Variants in PLEKHA8 observed in about 807,000 individuals in gnomAD.
PLEKHA8 encodes the protein pleckstrin homology domain-containing family A member 8.
A neutral mutation model predicts 68.2 loss-of-function variants in PLEKHA8; 36 were observed. The ratio of observed to expected loss-of-function variants is 0.53; its 90% CI spans 0.40 to 0.70. The LOEUF (loss-of-function observed/expected upper bound fraction) is 0.70. PLEKHA8 is among the 30% of genes least tolerant of loss of function. The pLI is 0.00. For missense variants in PLEKHA8, 505 were observed against 615.4 expected, an observed-to-expected ratio of 0.82 and a Z score of 1.90; for synonymous variants, 211 against 216.1, an observed-to-expected ratio of 0.98 and a Z score of 0.20.
At chr7:30,110,836 A>G (rs1293433277) in intron 13 of PLEKHA8, among the ~76,000 whole-genome samples, 1 of 150,506 alleles carries the variant, frequency 6.6e-6, no homozygotes, top group East Asian at 1.9e-4. Context: ...AGCAATTTGT[A>G]TATCTTCTTT....
downstream of PLEKHA8, among the ~76,000 whole-genome samples, chr7:30,092,338 C>A (rs928840910): frequency 2.6e-5 from 4 of 152,082 alleles, no homozygotes; most frequent in African/African-American, 9.7e-5. Context: ...TAAGCCTTTT[C>A]TTATTTGTTC....
chr7:30,045,701 GAA>G (rs1257258083), intron 2 of PLEKHA8, among the ~76,000 whole-genome samples: 2 of 152,182 alleles, frequency 1.3e-5, no homozygotes, highest in African/African-American at 4.8e-5. Context: ...GGATGTGGGT[GAA>G]AGACTTTGGT....
At chr7:30,029,077 G>A (rs775899553) in intron 1 of PLEKHA8, among the ~76,000 whole-genome samples, 2 of 152,240 alleles carry the variant, frequency 1.3e-5, no homozygotes, top group African/African-American at 4.8e-5. Flanking sequence ...GAAAGGCACG[G>A]TGCTCTTGAT....
intron 12 of PLEKHA8, among the ~76,000 whole-genome samples, chr7:30,065,438 C>T (rs988712493): frequency 2.1e-5 from 3 of 141,040 alleles, no homozygotes; most frequent in Non-Finnish European, 3.1e-5. Context: ...CTCCCACAGA[C>T]ACAGACACAA....
rs193220995 is a variant in PLEKHA8 at position 30,032,019 on chromosome 7, C to T, written c.40+3217C>T. ...ATTTTCGTTTACAGTCTGGTTTCATCCTGCCTTTTGGACATTCCGGGATTT... is the reference window on the plus strand; with the variant it reads ...ATTTTCGTTTACAGTCTGGTTTCATTCTGCCTTTTGGACATTCCGGGATTT... On this transcript the variant is annotated intron_variant, in intron 1 of 13. Coordinates refer to ENST00000449726, the MANE Select transcript of PLEKHA8 (RefSeq NM_001197026.2). 1.8e-4 allele frequency among the ~76,000 whole-genome samples: 27 copies of T among 152,144 alleles called. No individual in the cohort carries two copies. In the East Asian group the frequency reaches 4.4e-3, roughly 25 times the overall value.
chr7:30,033,277 C>T (rs1790800185), intron 1 of PLEKHA8, among the ~76,000 whole-genome samples: 1 of 152,058 alleles, frequency 6.6e-6, no homozygotes, highest in Admixed American at 6.5e-5. Flanking sequence ...AGAAAGAAAC[C>T]CAGTACCCAT....
intron 13 of PLEKHA8, among the ~76,000 whole-genome samples, chr7:30,120,837 A>G (rs1450530971): frequency 6.6e-6 from 1 of 152,250 alleles, no homozygotes; most frequent in Non-Finnish European, 1.5e-5. Flanking sequence ...TTCTCTGAGC[A>G]TTAGTACCAC....
chr7:30,095,630 T>G (rs1795584549), downstream of PLEKHA8, among the ~76,000 whole-genome samples: 1 of 152,168 alleles, frequency 6.6e-6, no homozygotes, highest in Non-Finnish European at 1.5e-5. Context: ...ATTGCCTAGG[T>G]TTTCTTCTAG....
intron 8 of PLEKHA8, 104 bp from the exon 9 acceptor site, chr7:30,055,153 T>A: frequency 9.8e-7 from 1 of 1,015,666 alleles, no homozygotes; most frequent in Non-Finnish European, 1.5e-6. Flanking sequence ...AGTCAAACGA[T>A]TTGCCCTACA....
chr7:30,116,197 C>CACGTATACATGTATACATATGTATAT (rs1796543619), intron 13 of PLEKHA8, among the ~76,000 whole-genome samples: 7 of 150,448 alleles, frequency 4.7e-5, no homozygotes, highest in Non-Finnish European at 8.9e-5. Context: ...CGCATACATA[C>CACGTATACATGTATACATATGTATAT]ACGTATACAT....
chr7:30,125,957 CT>C (rs1167866878), intron 13 of PLEKHA8, among the ~76,000 whole-genome samples: 2 of 152,048 alleles, frequency 1.3e-5, no homozygotes. Context: ...CTTTGGCATG[CT>C]ACAGAAGCAA....
At chr7:30,048,818 A>G (rs920511399) in intron 4 of PLEKHA8, among the ~76,000 whole-genome samples, 9 of 150,418 alleles carry the variant, frequency 6.0e-5, no homozygotes, top group Non-Finnish European at 1.2e-4. Context: ...CAGCTGCCTC[A>G]TATGTGTGAG....
intron 12 of PLEKHA8, among the ~76,000 whole-genome samples, chr7:30,089,950 G>A (rs944145319): frequency 6.6e-6 from 1 of 152,188 alleles, no homozygotes; most frequent in Non-Finnish European, 1.5e-5. Flanking sequence ...TTGAAATGAT[G>A]CAGTGAATGA....
intron 12 of PLEKHA8, among the ~76,000 whole-genome samples, 159 bp from the exon 13 acceptor site, chr7:30,073,912 C>T (rs1462048723): frequency 2.0e-5 from 3 of 151,728 alleles, no homozygotes; most frequent in Non-Finnish European, 4.4e-5. Flanking sequence ...ATCACTTGAG[C>T]GCAGGAGTTC....
chr7:30,073,129 A>G (rs916665242), intron 12 of PLEKHA8, among the ~76,000 whole-genome samples: 4 of 152,184 alleles, frequency 2.6e-5, no homozygotes, highest in African/African-American at 4.8e-5. Flanking sequence ...ATTGGGACAA[A>G]AATTATAGAT....
chr7:30,028,689 C>A lies in PLEKHA8; in HGVS notation c.-74C>A. ...GCAGCGCCAGGCGATGGCCCTGCTG[C>A]TGGTGCTCCTCGCCTCTTGGGGCCT... On this transcript the variant is annotated 5_prime_UTR_variant, in exon 1 of 14. It adds an upstream start codon to the 5' untranslated region. Transcript: ENST00000449726. The A allele has an allele frequency of 8.8e-7, 1 of 1,135,602 alleles. No individual in the cohort carries two copies. The allele number at this position is 1,135,602 out of a possible 1,614,324, so 70.3% of individuals were successfully genotyped here.
At position 30,084,224 on chromosome 7, in the gene PLEKHA8, A is replaced by G. The variant is rs984426307; in HGVS notation, c.*5437A>G. On this transcript the variant is annotated 3_prime_UTR_variant, in exon 14 of 14. Coordinates refer to ENST00000449726, the MANE Select transcript of PLEKHA8 (RefSeq NM_001197026.2). ...CTAAAATGTACATAGATTTCCTTGG[A>G]TTAATTTTTAAGTCACTGTTTAATT... 7.1e-6 allele frequency: 7 copies of G among 985,290 alleles called. No homozygotes were observed. The highest frequency in any genetic ancestry group is 8.4e-6 in the Non-Finnish European group (7 of 829,782). The allele number at this position is 985,290 out of a possible 1,614,324, so 61.0% of individuals were successfully genotyped here.
rs138034298 is a variant in PLEKHA8 at position 30,081,041 on chromosome 7, C to T, written c.*2254C>T. 1.2e-5 allele frequency: 12 copies of T among 985,272 alleles called. No homozygotes were observed. Among genetic ancestry groups the T allele is most frequent in the African/African-American group, 1.0e-4 (6 of 57,304 alleles). 61.0% of individuals were successfully genotyped at this position (985,272 alleles called of 1,614,324 possible). Reference sequence around the variant, plus strand: ...TCTGAAAATACCTCAGGTTTGCCACCGCAACTCTGAATACACACAAAAGGA... The same window carrying T: ...TCTGAAAATACCTCAGGTTTGCCACTGCAACTCTGAATACACACAAAAGGA... On this transcript the variant is annotated 3_prime_UTR_variant, in exon 14 of 14. Transcript: ENST00000449726.
intron 5 of PLEKHA8, 69 bp from the exon 6 acceptor site, chr7:30,050,365 A>G (rs1792307609): frequency 6.6e-7 from 1 of 1,506,158 alleles, no homozygotes; most frequent in Non-Finnish European, 8.9e-7. Flanking sequence ...TTTTGTATGT[A>G]ATAAGATCAT....
Sources: gnomAD v4.1 joint callset for allele counts (sites outside exome capture counted in the v4.1 genomes callset) on GRCh38, gnomAD v4.1.1 for gene constraint, MANE v1.5 for transcripts, NCBI Gene and HGNC (gene_info 2026-07-23, HGNC 2026-07-21) for gene names.